The following POLR1C variants were observed in gnomAD, a reference collection of about 807,000 sequenced individuals.
The protein encoded by POLR1C is RNA polymerase I and III subunit C.
Under a neutral mutation model 38.3 loss-of-function variants are expected in POLR1C, and 42 were observed. The ratio of observed to expected loss-of-function variants is 1.10; its 90% confidence interval spans 0.86 to 1.42. The LOEUF is 1.42. POLR1C is among the 40% of genes most tolerant of loss of function. The probability of loss-of-function intolerance (pLI) is 0.00; values close to 1 mark genes in which losing one functional copy is unlikely to be tolerated. For missense variants in POLR1C, 507 were observed against 450.5 expected, an observed-to-expected ratio of 1.13 and a Z score of -1.14; for synonymous variants, 163 against 163.9, an observed-to-expected ratio of 0.99 and a Z score of 0.04.
At chr6:43,521,533 A>G, downstream of POLR1C, 1 of 1,219,890 alleles carries the variant, frequency 8.2e-7, no homozygotes, top group Non-Finnish European at 1.1e-6. Flanking sequence ...ACTACTTTTG[A>G]GTTTGTTTTT....
At chr6:43,520,212 G>GCCC in intron 5 of POLR1C, 27 bp downstream of exon 5, 1 of 1,614,072 alleles carries the variant, frequency 6.2e-7, no homozygotes, top group Non-Finnish European at 8.5e-7. Flanking sequence ...TGAGGAAGAG[G>GCCC]CCCCACCTGT....
At position 43,549,709 on chromosome 6, in the gene POLR1C, G is replaced by A. The variant is rs566679271; in HGVS notation, c.*5-1259G>A. The A allele has an allele frequency of 5.6e-6, 7 of 1,246,880 alleles. No homozygotes were observed. The South Asian group carries it at 8.9e-5, about 16-fold the overall frequency. 77.2% of individuals were successfully genotyped at this position (1,246,880 alleles called of 1,614,324 possible). ...TTCACAACCCTAAGAGTATAATGGA[G>A]TAACATTTATAGCCACCAAGAATCC... On this transcript the variant is annotated intron_variant, in intron 9 of 10. Coordinates refer to the POLR1C transcript ENST00000607635.
chr6:43,540,853 A>T (rs913651856), intron 9 of POLR1C, among the ~76,000 whole-genome samples: 4 of 152,118 alleles, frequency 2.6e-5, no homozygotes, highest in African/African-American at 9.7e-5. Context: ...TTTTATTAAG[A>T]TTTTAAAAAA....
rs745810681 is a variant in POLR1C, at chr6:43,519,457, T to C, written c.249+17T>C. ...CTAGCTGAGGTATTGGCAGGCATGG[T>C]GACAAGGCTGGAGTTGCTTTGGGAA... On this transcript the variant is annotated intron_variant, in intron 3 of 8. Transcript: ENST00000642195. 1.9e-6 allele frequency: 3 copies of C among 1,578,382 alleles called. No individual in the cohort carries two copies. The East Asian group carries it at 6.7e-5, about 35-fold the overall frequency.
Position 43,521,303 on chromosome 6 carries a change from T to G in POLR1C, c.*3T>G. The G allele has an allele frequency of 6.2e-7, 1 of 1,612,174 alleles. No homozygotes were observed. Among genetic ancestry groups the G allele is most frequent in the Non-Finnish European group, 8.5e-7 (1 of 1,179,970 alleles). On this transcript the variant is annotated 3_prime_UTR_variant, in exon 9 of 9. Coordinates refer to ENST00000642195, the MANE Select transcript of POLR1C (RefSeq NM_203290.4). ...TAGATGCGGTTCAGATGGACTGAGC[T>G]TGGATGCTTCTGAGGCAAGCTGAAG...
chr6:43,526,559 C>T (rs1793604623), intron 8 of POLR1C: 4 of 1,068,400 alleles, frequency 3.7e-6, no homozygotes, highest in South Asian at 1.4e-5. Flanking sequence ...GAGGGCTGGT[C>T]CAGAGATGAT....
chr6:43,550,220 T>C (rs1362646756), intron 9 of POLR1C, among the ~76,000 whole-genome samples: 2 of 152,238 alleles, frequency 1.3e-5, no homozygotes, highest in Non-Finnish European at 2.9e-5. Flanking sequence ...AACGCCTCTC[T>C]CTTCTTTTAT....
chr6:43,555,662 T>A (rs1233270635), intron 10 of POLR1C: 1 of 644,430 alleles, frequency 1.6e-6, no homozygotes, highest in African/African-American at 1.8e-5. Flanking sequence ...AAATGTGTCA[T>A]CTGCTTTCTT....
At chr6:43,552,230 G>GT (rs2127734017) in intron 10 of POLR1C, among the ~76,000 whole-genome samples, 1 of 152,066 alleles carries the variant, frequency 6.6e-6, no homozygotes, top group South Asian at 2.1e-4. Flanking sequence ...GCTAATTTTT[G>GT]TATTTTTAGT....
intron 10 of POLR1C, chr6:43,560,899 G>C (rs949220593): frequency 1.9e-6 from 3 of 1,590,782 alleles, no homozygotes; most frequent in Non-Finnish European, 2.6e-6. Flanking sequence ...CTAAACTTTT[G>C]AGAAGTTACC....
intron 4 of POLR1C, 34 bp from the exon 5 acceptor site, chr6:43,520,032 T>C: frequency 6.2e-7 from 1 of 1,613,148 alleles, no homozygotes. Flanking sequence ...CTCAGACGTT[T>C]ACTAGTTCTT....
downstream of POLR1C, chr6:43,525,606 T>G: frequency 1.8e-6 from 1 of 551,600 alleles, no homozygotes; most frequent in East Asian, 3.0e-5. Flanking sequence ...ACCAGGGATC[T>G]GCATCAGTGT....
downstream of POLR1C, chr6:43,525,317 C>G (rs568346345): frequency 2.9e-4 from 321 of 1,114,786 alleles, 1 homozygote; most frequent in African/African-American, 4.3e-3. Flanking sequence ...TTTCCTCCCC[C>G]CCTCTAAAGA....
chr6:43,534,099 C>CTGG, downstream of POLR1C: 2 of 929,690 alleles, frequency 2.2e-6, no homozygotes, highest in South Asian at 1.3e-5. Context: ...TACAGTTTCA[C>CTGG]ACAGATCTGC....
chr6:43,523,122 C>G (rs538722519), downstream of POLR1C: 1 of 164,852 alleles, frequency 6.1e-6, no homozygotes, highest in East Asian at 1.7e-4. Context: ...CCTGAGTGGA[C>G]CTTGAGGCTG....
At chr6:43,527,363 C>A in intron 8 of POLR1C, 1 of 284,704 alleles carries the variant, frequency 3.5e-6, no homozygotes, top group Non-Finnish European at 6.7e-6. Context: ...CCTCCGCCTC[C>A]CGGGTTCAAG....
At chr6:43,560,128 T>C in intron 10 of POLR1C, 4 of 1,590,810 alleles carry the variant, frequency 2.5e-6, no homozygotes, top group Non-Finnish European at 3.4e-6. Flanking sequence ...CTCAAAGTCT[T>C]ATTATGTGTA....
intron 10 of POLR1C, among the ~76,000 whole-genome samples, chr6:43,559,990 T>C (rs1160097038): frequency 6.6e-6 from 1 of 152,194 alleles, no homozygotes; most frequent in Non-Finnish European, 1.5e-5. Flanking sequence ...CTAATTTTTT[T>C]GTATTTTTAG....
At chr6:43,556,850 C>T (rs1330015604) in intron 10 of POLR1C, among the ~76,000 whole-genome samples, 2 of 151,664 alleles carry the variant, frequency 1.3e-5, no homozygotes, top group Admixed American at 6.6e-5. Flanking sequence ...AAATGAAGGC[C>T]GGGTGTGGTG....
Sources: allele counts gnomAD v4.1 joint callset (sites outside exome capture counted in the v4.1 genomes callset), GRCh38; gene constraint gnomAD v4.1.1; transcripts MANE v1.5; gene names NCBI Gene and HGNC (gene_info 2026-07-23, HGNC 2026-07-21).